The following SCAMP2 variants were observed in gnomAD, a reference collection of about 807,000 sequenced individuals.
The protein encoded by SCAMP2 is secretory carrier-associated membrane protein 2.
SCAMP2 carries 25 observed loss-of-function variants against 44.1 expected under a neutral mutation model. That is an observed-to-expected ratio of 0.57 (90% CI 0.41 to 0.79). SCAMP2 has a LOEUF of 0.79. Ranked by LOEUF, SCAMP2 falls within the 30% of genes least tolerant of loss-of-function variation. The probability of loss-of-function intolerance (pLI) is 0.00; values close to 1 mark genes in which losing one functional copy is unlikely to be tolerated. For missense variants in SCAMP2, 355 were observed against 411.0 expected (o/e 0.86, Z 1.18); for synonymous variants, 156 against 166.0 (o/e 0.94, Z 0.46).
rs773484296 is a variant in SCAMP2 at position 74,854,622 on chromosome 15, C to A, written c.85G>T (p.Ala29Ser). 5 of 1,608,972 alleles carry A rather than the reference C, an allele frequency of 3.1e-6. No individual in the cohort carries two copies. Among genetic ancestry groups the A allele is most frequent in the African/African-American group, 2.7e-5 (2 of 74,824 alleles). Residue 29 changes from alanine (A) to serine (S), a missense_variant, in exon 2 of 9, where the codon GCC becomes TCC. By Grantham distance (99) the Ala-to-Ser change is moderately conservative (BLOSUM62 1). Transcript: ENST00000268099. Reference protein sequence around the residue: ...QDPSVTQLTNAPQGGLAEFNP... With the variant: ...QDPSVTQLTNSPQGGLAEFNP... The stretch of plus-strand genomic sequence containing the variant: ...AATTCCGCCAGGCCGCCCTGCGGGG[C>A]GTTGGTCAGCTGGGTCACAGAGGGA...
chr15:74,848,783 C>T (rs1167606703), intron 6 of SCAMP2, 82 bp from the exon 7 acceptor site: 3 of 983,934 alleles, frequency 3.0e-6, no homozygotes, highest in African/African-American at 3.2e-5. Context: ...CATCCCTCCT[C>T]ACTAGGAGCC....
chr15:74,863,680 G>T (rs908981877), intron 1 of SCAMP2, among the ~76,000 whole-genome samples: 1 of 152,070 alleles, frequency 6.6e-6, no homozygotes, highest in Non-Finnish European at 1.5e-5. Context: ...CCTCAAAATG[G>T]GACACTTACT....
At chr15:74,868,132 G>A (rs1311084766) in intron 1 of SCAMP2, among the ~76,000 whole-genome samples, 1 of 152,256 alleles carries the variant, frequency 6.6e-6, no homozygotes, top group East Asian at 1.9e-4. Flanking sequence ...AGAGGAATTA[G>A]GGTGTGCCAG....
At position 74,845,667 on chromosome 15, in the gene SCAMP2, C is replaced by A. The variant is rs952267205; in HGVS notation, c.735-74G>T. The A allele has an allele frequency of 3.5e-5, 55 of 1,571,460 alleles. No homozygotes were observed. The Admixed American group carries it at 9.1e-4, about 26-fold the overall frequency. On this transcript the variant is annotated intron_variant, in intron 7 of 8. Transcript: ENST00000268099. The stretch of plus-strand genomic sequence containing the variant: ...AAAAGTCAGCATAAGGGGCTCTTCT[C>A]CAAGTGGCTGCTGTGTCCTGACCAT...
intron 7 of SCAMP2, 29 bp downstream of exon 7, chr15:74,848,571 T>C (rs1485891832): frequency 1.4e-6 from 2 of 1,430,052 alleles, no homozygotes; most frequent in Admixed American, 3.4e-5. Flanking sequence ...ATCCAAAGCC[T>C]AATTCCCTCT....
Position 74,844,986 on chromosome 15 carries a change from T to C in SCAMP2, c.*97A>G. ...GCCACGGCAAGAACCCTGCCAGGTC[T>C]GTGCTGGGCACAACCACCACCACAT... On this transcript the variant is annotated 3_prime_UTR_variant, in exon 9 of 9. Coordinates refer to ENST00000268099, the MANE Select transcript of SCAMP2 (RefSeq NM_005697.5). 7.1e-7 allele frequency: 1 copy of C among 1,404,814 alleles called. No individual in the cohort carries two copies. Among genetic ancestry groups the C allele is most frequent in the South Asian group, 1.3e-5 (1 of 74,410 alleles). 87.0% of individuals were successfully genotyped at this position (1,404,814 alleles called of 1,614,324 possible).
intron 1 of SCAMP2, among the ~76,000 whole-genome samples, chr15:74,854,923 G>A (rs1408399704): frequency 6.6e-6 from 1 of 151,498 alleles, no homozygotes; most frequent in Non-Finnish European, 1.5e-5. Context: ...GCTCCTGTTG[G>A]TGCCCTATAC....
intron 5 of SCAMP2, 68 bp downstream of exon 5, chr15:74,851,285 G>A: frequency 6.4e-7 from 1 of 1,568,114 alleles, no homozygotes; most frequent in Non-Finnish European, 8.7e-7. Flanking sequence ...GAGCAGCCAG[G>A]ACCAAGATGG....
At chr15:74,852,273 C>T (rs898230449) in intron 3 of SCAMP2, 87 bp from the exon 4 acceptor site, 25 of 965,928 alleles carry the variant, frequency 2.6e-5, no homozygotes, top group Non-Finnish European at 3.4e-5. Context: ...AGAGGCCTTG[C>T]CCCAGGCAGG....
chr15:74,854,660 G>A lies in SCAMP2; in HGVS notation c.58-11C>T. 3 of 1,603,894 alleles carry A rather than the reference G, an allele frequency of 1.9e-6. No individual in the cohort carries two copies. Among genetic ancestry groups the A allele is most frequent in the Non-Finnish European group, 2.6e-6 (3 of 1,175,500 alleles). ...GGTCACAGAGGGATCCTGAGAAGGT[G>A]AAAAAAAGCCCTTAGACACAGTGGA... On this transcript the variant is annotated splice_polypyrimidine_tract_variant and intron_variant, in intron 1 of 8. Transcript: ENST00000268099.
At chr15:74,873,008 C>T (rs1163917366) in intron 1 of SCAMP2, 191 bp downstream of exon 1, 7 of 520,472 alleles carry the variant, frequency 1.3e-5, no homozygotes, top group Non-Finnish European at 2.3e-5. Flanking sequence ...GCCCCGCCTC[C>T]TCTGCAGTTC....
At chr15:74,862,853 T>TACACACACATAC (rs1555475210) in intron 1 of SCAMP2, among the ~76,000 whole-genome samples, 66 of 87,500 alleles carry the variant, frequency 7.5e-4, no homozygotes, top group Admixed American at 7.2e-3. Flanking sequence ...AAACAAACCA[T>TACACACACATAC]ACACACACAC....
intron 1 of SCAMP2, among the ~76,000 whole-genome samples, chr15:74,866,854 T>C (rs1373988043): frequency 1.3e-5 from 2 of 149,736 alleles, no homozygotes; most frequent in Non-Finnish European, 3.0e-5. Flanking sequence ...TGGGGGGCAG[T>C]GGTGCAATCT....
In SCAMP2 at chr15:74,852,076, G is replaced by C. The variant is rs774213931; in HGVS notation, c.336C>G (p.Asn112Lys). ...KERELQNTVA[N>K]LHVRQNNWPP... is the part of the protein sequence containing the mutation. Reference sequence around the variant, plus strand: ...CCCAGCAGCCTCCCTTACCATGCAAGTTGGCTACAGTGTTCTGCAGCTCCC... The same window carrying C: ...CCCAGCAGCCTCCCTTACCATGCAACTTGGCTACAGTGTTCTGCAGCTCCC... Residue 112 changes from asparagine (N) to lysine (K), a missense_variant, in exon 4 of 9, where the codon AAC (asparagine) becomes AAG (lysine). By Grantham distance (94) the Asn-to-Lys change is moderately conservative (BLOSUM62 0). Coordinates refer to ENST00000268099, the MANE Select transcript of SCAMP2 (RefSeq NM_005697.5). 4.5e-5 allele frequency: 71 copies of C among 1,573,166 alleles called. No homozygotes were observed. The highest frequency in any genetic ancestry group is 5.5e-5 in the Non-Finnish European group (64 of 1,159,182).
At chr15:74,846,601 A>G (rs2064401515) in intron 7 of SCAMP2, among the ~76,000 whole-genome samples, 1 of 152,062 alleles carries the variant, frequency 6.6e-6, no homozygotes, top group Admixed American at 6.5e-5. Flanking sequence ...ATCTCTACTA[A>G]AAATACAAAA....
At chr15:74,859,960 C>A (rs925213872) in intron 1 of SCAMP2, among the ~76,000 whole-genome samples, 1 of 152,006 alleles carries the variant, frequency 6.6e-6, no homozygotes, top group Non-Finnish European at 1.5e-5. Flanking sequence ...TCTTATCTCA[C>A]GGACTAAAAA....
chr15:74,856,162 C>G (rs2064467429), intron 1 of SCAMP2, among the ~76,000 whole-genome samples: 1 of 151,484 alleles, frequency 6.6e-6, no homozygotes, highest in Admixed American at 6.6e-5. Flanking sequence ...GGAGACACCG[C>G]TTGGGTTCCA....
Position 74,873,267 on chromosome 15 carries a change from G to T in SCAMP2, c.-12C>A. 1 of 1,479,102 alleles carries T rather than the reference G, an allele frequency of 6.8e-7. No individual in the cohort carries two copies. Among genetic ancestry groups the T allele is most frequent in the Non-Finnish European group, 8.9e-7 (1 of 1,119,014 alleles). The allele number at this position is 1,479,102 out of a possible 1,614,324, so 91.6% of individuals were successfully genotyped here. A position where few individuals can be genotyped will look rare whatever the true frequency, so the allele number is the denominator to read the frequency against. ...TCGAAAGCCGACATGGTGATCGGGG[G>T]CCAGCGGGCGAACTCCGCGAACGCT... On this transcript the variant is annotated 5_prime_UTR_variant, in exon 1 of 9. Transcript: ENST00000268099.
At chr15:74,850,420 T>G (rs2305668) in intron 6 of SCAMP2, 94 bp downstream of exon 6, 142,007 of 1,117,448 alleles carry the variant, frequency 0.13, 10,129 homozygotes, top group East Asian at 0.26. Flanking sequence ...TATTCTGCTC[T>G]AAGACTCAGA....
Sources: allele counts gnomAD v4.1 joint callset (sites outside exome capture counted in the v4.1 genomes callset), GRCh38; gene constraint gnomAD v4.1.1; transcripts MANE v1.5; gene names NCBI Gene and HGNC (gene_info 2026-07-23, HGNC 2026-07-21).